PCDHA5: variants seen among roughly 807,000 people sequenced by gnomAD.
The protein encoded by PCDHA5 is protocadherin alpha 5.
Under a neutral mutation model 61.6 loss-of-function variants are expected in PCDHA5, and 43 were observed. That is an observed-to-expected ratio of 0.70 (90% CI 0.55 to 0.90). The LOEUF (loss-of-function observed/expected upper bound fraction) is 0.90. Among genes scored for constraint, PCDHA5 ranks in the 40% least tolerant of loss-of-function variants. The probability of loss-of-function intolerance (pLI) is 0.00; values close to 1 mark genes in which losing one functional copy is unlikely to be tolerated. For missense variants in PCDHA5, 1,298 were observed against 1,222.7 expected (o/e 1.06, Z -0.92); for synonymous variants, 627 against 543.9 (o/e 1.15, Z -2.13).
At chr5:140,941,313 C>T (rs1585057947) in intron 1 of PCDHA5, among the ~76,000 whole-genome samples, 2 of 104,888 alleles carry the variant, frequency 1.9e-5, no homozygotes, top group Non-Finnish European at 4.0e-5. Context: ...TCTTTTTCTT[C>T]TTTCTCTTTT....
At chr5:140,943,332 A>G (rs2093478817) in intron 1 of PCDHA5, among the ~76,000 whole-genome samples, 1 of 151,830 alleles carries the variant, frequency 6.6e-6, no homozygotes, top group Non-Finnish European at 1.5e-5. Flanking sequence ...TGTAGTATCC[A>G]TTGGACAGGA....
At chr5:140,934,508 C>G (rs2089875994) in intron 1 of PCDHA5, among the ~76,000 whole-genome samples, 1 of 152,096 alleles carries the variant, frequency 6.6e-6, no homozygotes, top group African/African-American at 2.4e-5. Flanking sequence ...CCCAAAGGGT[C>G]CATAGACCAC....
chr5:140,966,893 C>CA (rs1554228863), intron 1 of PCDHA5: 3 of 1,595,686 alleles, frequency 1.9e-6, no homozygotes, highest in African/African-American at 1.3e-5. Context: ...TGCGGCCTCC[C>CA]AGCTGCGATA....
chr5:140,842,128 G>C, intron 1 of PCDHA5: 1 of 1,613,840 alleles, frequency 6.2e-7, no homozygotes, highest in Non-Finnish European at 8.5e-7. Flanking sequence ...CTTCTGATCC[G>C]GATGAAGGAG....
intron 1 of PCDHA5, chr5:140,967,316 A>G (rs368129984): frequency 4.3e-6 from 7 of 1,610,310 alleles, no homozygotes; most frequent in African/African-American, 4.0e-5. Context: ...CTCAGTACAG[A>G]CCTACGAGCT....
Position 141,010,119 on chromosome 5 carries a change from A to G in PCDHA5, c.*182A>G. 6.2e-7 allele frequency: 1 copy of G among 1,608,062 alleles called. No homozygotes were observed. On this transcript the variant is annotated 3_prime_UTR_variant, in exon 4 of 4. Transcript: ENST00000529859. ...TAACAGGTTTTGTCGTAAAAGCTTT[A>G]CTAAGTCTGGTGTTAACTCTTTCTC...
intron 1 of PCDHA5, among the ~76,000 whole-genome samples, chr5:140,895,220 A>C (rs1044682871): frequency 6.6e-6 from 1 of 152,158 alleles, no homozygotes; most frequent in Non-Finnish European, 1.5e-5. Context: ...CTAATATTTT[A>C]CTGAGTTTTC....
chr5:140,967,278 G>T, intron 1 of PCDHA5: 1 of 1,613,408 alleles, frequency 6.2e-7, no homozygotes, highest in Non-Finnish European at 8.5e-7. Context: ...CACATAGAGA[G>T]TGCGCAGGAC....
chr5:140,882,990 A>C, intron 1 of PCDHA5: 1 of 1,614,130 alleles, frequency 6.2e-7, no homozygotes, highest in East Asian at 2.2e-5. Context: ...AACGCCCCGG[A>C]ATTTTACCAA....
chr5:140,824,610 G>GTTTTTTTTTTTTTTTTTTTTTTTTTTT (rs782443702), intron 1 of PCDHA5: 4 of 95,104 alleles, frequency 4.2e-5, no homozygotes, highest in Non-Finnish European at 5.6e-5. Context: ...GCTAATTAAA[G>GTTTTTTTTTTTTTTTTTTTTTTTTTTT]TTTTTTTTTT....
chr5:140,882,174 C>T (rs868925922), intron 1 of PCDHA5: 1 of 1,514,752 alleles, frequency 6.6e-7, no homozygotes. Context: ...CGAATCCTTC[C>T]GCACTAGGAA....
At position 140,849,929 on chromosome 5, in the gene PCDHA5, T is replaced by G. The variant is rs1450636702; in HGVS notation, c.2352+25802T>G. 8.1e-6 allele frequency: 13 copies of G among 1,598,096 alleles called. 1 individual carries two copies. The African/African-American group carries it at 1.2e-4, about 15-fold the overall frequency. On this transcript the variant is annotated intron_variant, in intron 1 of 3. Transcript: ENST00000529859. ...CGGGCTGCCACATCTTCACGGTGTC[T>G]GCGCGGGACGCTGACGCGCAGGAGA...
At position 140,838,077 on chromosome 5, in the gene PCDHA5, A is replaced by T. The variant is rs13165987; in HGVS notation, c.2352+13950A>T. ...TTTCCACTTTAAGTTATATATATATAGTGTGTGTGTGTGTGTGTGTGTGTG... is the reference window on the plus strand; with the variant it reads ...TTTCCACTTTAAGTTATATATATATTGTGTGTGTGTGTGTGTGTGTGTGTG... On this transcript the variant is annotated intron_variant, in intron 1 of 3. Coordinates refer to ENST00000529859, the MANE Select transcript of PCDHA5 (RefSeq NM_018908.3). 6.6e-3 allele frequency among the ~76,000 whole-genome samples: 531 copies of T among 80,680 alleles called. 3 individuals carry two copies. The highest frequency in any genetic ancestry group is 0.029 in the Middle Eastern group (4 of 136). The allele number at this position is 80,680 out of a possible 152,430, so 52.9% of individuals were successfully genotyped here. A position where few individuals can be genotyped will look rare whatever the true frequency, so the allele number is the denominator to read the frequency against.
At chr5:140,979,137 A>G (rs1554240284) in intron 2 of PCDHA5, 130 bp downstream of exon 2, 1 of 1,459,542 alleles carries the variant, frequency 6.9e-7, no homozygotes, top group Non-Finnish European at 9.0e-7. Context: ...GGAAAATGCA[A>G]TTATTTTGTC....
At position 141,010,202 on chromosome 5, in the gene PCDHA5, GC is replaced by G. The variant is rs1308553255; in HGVS notation, c.*267del. 6.4e-7 allele frequency: 1 copy of G among 1,551,944 alleles called. No individual in the cohort carries two copies. The highest frequency in any genetic ancestry group is 8.7e-7 in the Non-Finnish European group (1 of 1,147,050). The stretch of plus-strand genomic sequence containing the variant: ...CAGACCCAAGTTTCCTTTCTCCTCC[GC>G]CGCAAAGGAGAGGCTTCCCAGCCCC... On this transcript the variant is annotated 3_prime_UTR_variant, in exon 4 of 4. Transcript: ENST00000529859.
rs114294981 is a variant in PCDHA5, at chr5:140,997,261, C to T, written c.2501-12366C>T. On this transcript the variant is annotated intron_variant, in intron 3 of 3. Transcript: ENST00000529859. ...CATGTTTACTTTAGGGTTCACTCTT[C>T]CAAATATTTCTTGCATCACTTAACA... Among the ~76,000 whole-genome samples, 265 of 152,266 alleles carry T rather than the reference C, an allele frequency of 1.7e-3. 1 individual carries two copies. The highest frequency in any genetic ancestry group is 6.2e-3 in the African/African-American group (257 of 41,540).
intron 1 of PCDHA5, among the ~76,000 whole-genome samples, chr5:140,879,173 G>A (rs1010561937): frequency 6.6e-6 from 1 of 152,278 alleles, no homozygotes; most frequent in Non-Finnish European, 1.5e-5. Context: ...AATAAATTAG[G>A]TATCAAGTAA....
intron 1 of PCDHA5, chr5:140,857,594 G>T (rs1554150300): frequency 6.3e-7 from 1 of 1,596,514 alleles, no homozygotes; most frequent in Admixed American, 1.7e-5. Context: ...GAGCGGCAAG[G>T]TGTACGCGCT....
intron 1 of PCDHA5, chr5:140,877,291 C>T (rs527823173): frequency 6.2e-7 from 1 of 1,613,932 alleles, no homozygotes; most frequent in Non-Finnish European, 8.5e-7. Context: ...TAACGCTTGG[C>T]TGTCCTACGA....
Sources: allele counts gnomAD v4.1 joint callset (sites outside exome capture counted in the v4.1 genomes callset), GRCh38; gene constraint gnomAD v4.1.1; transcripts MANE v1.5; gene names NCBI Gene and HGNC (gene_info 2026-07-23, HGNC 2026-07-21).